The following RBFOX1 variants were observed in gnomAD, a reference collection of about 807,000 sequenced individuals.
The protein encoded by RBFOX1 is RNA binding fox-1 homolog 1.
RBFOX1 carries 8 observed loss-of-function variants against 57.7 expected under a neutral mutation model. The observed-to-expected ratio is 0.14, with a 90% CI of 0.08 to 0.25. The LOEUF (loss-of-function observed/expected upper bound fraction) is 0.25, where lower values mean the gene tolerates loss of function less well. RBFOX1 is among the 10% of genes least tolerant of loss of function. The pLI, the probability that RBFOX1 is intolerant of heterozygous loss-of-function variation, is 1.00. For synonymous variants in RBFOX1, 326 were observed against 222.4 expected, an observed-to-expected ratio of 1.47 and a Z score of -4.15; for missense variants, 611 against 548.5, an observed-to-expected ratio of 1.11 and a Z score of -1.14.
chr16:7,500,827 C>T lies in RBFOX1; in HGVS notation c.28-17320C>T, dbSNP rs149014078. Among the ~76,000 whole-genome samples, 678 of 152,286 alleles carry T rather than the reference C, an allele frequency of 4.5e-3. 9 individuals carry two copies. The highest frequency in any genetic ancestry group is 0.016 in the African/African-American group (658 of 41,544). ...CAAATCTCATCTTGAACTCTAGTTCCCATAATCCCCATGTCTCGTGAGAGG... is the reference window on the plus strand; with the variant it reads ...CAAATCTCATCTTGAACTCTAGTTCTCATAATCCCCATGTCTCGTGAGAGG... On this transcript the variant is annotated intron_variant, in intron 4 of 15. Coordinates refer to ENST00000550418, the MANE Select transcript of RBFOX1 (RefSeq NM_018723.4).
At chr16:6,507,589 T>G (rs2096136912) in intron 2 of RBFOX1, among the ~76,000 whole-genome samples, 1 of 151,102 alleles carries the variant, frequency 6.6e-6, no homozygotes, top group Admixed American at 6.6e-5. Context: ...GAGGATCACT[T>G]GAGCCCAGGA....
At chr16:7,298,400 T>C (rs1422346273) in intron 4 of RBFOX1, among the ~76,000 whole-genome samples, 1 of 150,146 alleles carries the variant, frequency 6.7e-6, no homozygotes, top group Admixed American at 6.7e-5. Context: ...GTGATTCTCA[T>C]GCGTCTGCCT....
intron 1 of RBFOX1, among the ~76,000 whole-genome samples, chr16:6,149,286 A>G (rs531666413): frequency 6.6e-6 from 1 of 152,266 alleles, no homozygotes; most frequent in East Asian, 1.9e-4. Flanking sequence ...TGTACTTTGG[A>G]TTTGAATGTC....
chr16:6,735,795 CT>C (rs2154178043), intron 3 of RBFOX1, among the ~76,000 whole-genome samples: 1 of 152,182 alleles, frequency 6.6e-6, no homozygotes, highest in East Asian at 1.9e-4. Context: ...TCCTCTCCCC[CT>C]GTGAAGAACA....
At chr16:7,267,631 G>C (rs1156982061) in intron 4 of RBFOX1, among the ~76,000 whole-genome samples, 1 of 151,724 alleles carries the variant, frequency 6.6e-6, no homozygotes, top group South Asian at 2.1e-4. Context: ...GAGGTGGGCG[G>C]ATCACTTGAG....
At chr16:6,680,045 T>G (rs1426681960) in intron 3 of RBFOX1, among the ~76,000 whole-genome samples, 1 of 152,094 alleles carries the variant, frequency 6.6e-6, no homozygotes, top group African/African-American at 2.4e-5. Context: ...TTCTGCTGTT[T>G]CATAACAGTG....
chr16:5,400,747 G>T (rs2066692697), intron 1 of RBFOX1, among the ~76,000 whole-genome samples: 1 of 151,946 alleles, frequency 6.6e-6, no homozygotes, highest in Admixed American at 6.6e-5. Context: ...TTTTAAGGAA[G>T]ATTGTAAAAA....
chr16:7,304,200 G>C, intron 4 of RBFOX1: 1 of 951,754 alleles, frequency 1.1e-6, no homozygotes, highest in African/African-American at 2.2e-5. Context: ...GGGGGAGAGA[G>C]ACAGAGAGAG....
chr16:6,483,289 G>T, intron 2 of RBFOX1: 1 of 1,384,326 alleles, frequency 7.2e-7, no homozygotes, highest in East Asian at 2.8e-5. Flanking sequence ...CCTTGCACGG[G>T]CTGCTCGCTC....
At chr16:6,046,542 T>A (rs970002872) in intron 1 of RBFOX1, among the ~76,000 whole-genome samples, 1 of 152,180 alleles carries the variant, frequency 6.6e-6, no homozygotes, top group Non-Finnish European at 1.5e-5. Context: ...GGGCTATTCC[T>A]ATATTCATAT....
At chr16:7,539,357 G>C (rs528918975) in intron 5 of RBFOX1, among the ~76,000 whole-genome samples, 1 of 152,134 alleles carries the variant, frequency 6.6e-6, no homozygotes, top group South Asian at 2.1e-4. Context: ...TGAAGAGTAT[G>C]TGCAAAGCCA....
At chr16:5,708,368 TA>T (rs977140585) in intron 3 of RBFOX1, among the ~76,000 whole-genome samples, 99 of 152,310 alleles carry the variant, frequency 6.5e-4, no homozygotes, top group Middle Eastern at 3.4e-3. Flanking sequence ...AGCTTCCATA[TA>T]CATAGATTCC....
intron 3 of RBFOX1, among the ~76,000 whole-genome samples, chr16:7,050,010 C>T (rs7193522): frequency 0.093 from 14,202 of 152,142 alleles, 989 homozygotes; most frequent in East Asian, 0.28. Context: ...GTCACTCCTC[C>T]TTTTCCATTA....
intron 1 of RBFOX1, among the ~76,000 whole-genome samples, chr16:6,126,712 A>G (rs546266755): frequency 3.9e-5 from 6 of 152,148 alleles, no homozygotes; most frequent in South Asian, 4.1e-4. Flanking sequence ...CTTTTTTTAC[A>G]CCAGAACTCT....
intron 5 of RBFOX1, among the ~76,000 whole-genome samples, chr16:7,544,294 A>T (rs2083804040): frequency 6.6e-6 from 1 of 152,222 alleles, no homozygotes; most frequent in Non-Finnish European, 1.5e-5. Context: ...CTGATTACTT[A>T]CTGGCTATGT....
At chr16:6,792,802 A>T (rs565674498) in intron 3 of RBFOX1, among the ~76,000 whole-genome samples, 2 of 152,290 alleles carry the variant, frequency 1.3e-5, no homozygotes, top group African/African-American at 2.4e-5. Flanking sequence ...AGGCCGAGGC[A>T]GATGGATCAT....
rs142889433 is a variant in RBFOX1 at position 6,961,145 on chromosome 16, C to CACACA, written c.-15-90912_-15-90911insACACA. On this transcript the variant is annotated intron_variant, in intron 3 of 15. Transcript: ENST00000550418. ...GCAATAGAGACTCCATCACACACAC[C>CACACA]CACACAGACACACACACGCAAAAGA... 5.0e-4 allele frequency among the ~76,000 whole-genome samples: 72 copies of CACACA among 143,766 alleles called. No individual in the cohort carries two copies. In the Middle Eastern group the frequency reaches 0.011, roughly 21 times the overall value. 94.3% of individuals were successfully genotyped at this position (143,766 alleles called of 152,430 possible).
At chr16:7,140,937 C>G (rs1021836970) in intron 4 of RBFOX1, among the ~76,000 whole-genome samples, 1 of 152,158 alleles carries the variant, frequency 6.6e-6, no homozygotes, top group African/African-American at 2.4e-5. Flanking sequence ...TTCTAAGTGT[C>G]TCAGAGCCTA....
intron 2 of RBFOX1, among the ~76,000 whole-genome samples, chr16:5,507,565 C>G (rs2043420916): frequency 6.6e-6 from 1 of 152,158 alleles, no homozygotes; most frequent in Admixed American, 6.5e-5. Context: ...TGTCCCCCAC[C>G]ACAAGATATG....
Sources: gnomAD v4.1 joint callset for allele counts (sites outside exome capture counted in the v4.1 genomes callset) on GRCh38, gnomAD v4.1.1 for gene constraint, MANE v1.5 for transcripts, NCBI Gene and HGNC (gene_info 2026-07-23, HGNC 2026-07-21) for gene names.